NEXMIF: variants seen among roughly 807,000 people sequenced by gnomAD.
The protein encoded by NEXMIF is neurite extension and migration factor, also known as XLMR protein related to neurite extension.
In NEXMIF, 8 loss-of-function variants were observed where a neutral mutation model predicts 62.1. The observed-to-expected ratio is 0.13, with a 90% confidence interval of 0.08 to 0.23. The LOEUF (loss-of-function observed/expected upper bound fraction) is 0.23, where lower values mean the gene tolerates loss of function less well. NEXMIF is among the 10% of genes least tolerant of loss of function. The probability of loss-of-function intolerance (pLI) is 1.00; values close to 1 mark genes in which losing one functional copy is unlikely to be tolerated. For missense variants in NEXMIF, 976 were observed against 1,113.3 expected (o/e 0.88, Z 1.75); for synonymous variants, 404 against 416.6 (o/e 0.97, Z 0.37).
At position 74,744,098 on chromosome X, in the gene NEXMIF, G is replaced by A. The variant is rs2080117700; in HGVS notation, c.459C>T (p.Ser153=). Residue 153 remains serine (S), a synonymous_variant, in exon 3 of 4, where the codon TCC becomes TCT. Coordinates refer to ENST00000055682, the MANE Select transcript of NEXMIF (RefSeq NM_001008537.3). ...SRTCLGCFME[S]KDAVDPEPGI... ...CTGGCTCAGGATCTACTGCATCCTTGGATTCCATGAAGCAGCCTAAGCAAG... is the reference window on the plus strand; with the variant it reads ...CTGGCTCAGGATCTACTGCATCCTTAGATTCCATGAAGCAGCCTAAGCAAG... 2.9e-5 allele frequency: 35 copies of A among 1,211,733 alleles called. No individual in the cohort carries two copies. The highest frequency in any genetic ancestry group is 3.9e-5 in the Non-Finnish European group (35 of 895,484).
At chrX:74,768,033 T>C (rs1042484154) in intron 1 of NEXMIF, among the ~76,000 whole-genome samples, 2 of 111,290 alleles carry the variant, frequency 1.8e-5, no homozygotes, top group African/African-American at 6.5e-5. Context: ...AGCCCGGATA[T>C]CTAAAGCTCC....
intron 1 of NEXMIF, among the ~76,000 whole-genome samples, chrX:74,815,325 AG>A (rs1273915601): frequency 8.9e-6 from 1 of 111,746 alleles, no homozygotes; most frequent in African/African-American, 3.3e-5. Context: ...GTCATCCTTA[AG>A]CTATTCCTTT....
intron 1 of NEXMIF, among the ~76,000 whole-genome samples, chrX:74,758,351 T>C (rs760889751): frequency 2.7e-5 from 3 of 111,607 alleles, no homozygotes; most frequent in Non-Finnish European, 3.8e-5. Flanking sequence ...ATAAGTGATA[T>C]AGACAAATTG....
At chrX:74,905,067 A>G (rs1056553074) in intron 1 of NEXMIF, among the ~76,000 whole-genome samples, 4 of 111,665 alleles carry the variant, frequency 3.6e-5, no homozygotes, top group Non-Finnish European at 7.5e-5. Context: ...TATTTTTATC[A>G]TAAAAATATG....
intron 1 of NEXMIF, among the ~76,000 whole-genome samples, chrX:74,893,027 T>C (rs192982512): frequency 8.9e-6 from 1 of 112,239 alleles, no homozygotes; most frequent in African/African-American, 3.2e-5. Context: ...GGATACTGAC[T>C]TAGGTCTTAA....
rs142185048 is a variant in NEXMIF at position 74,863,661 on chromosome X, G to C, written c.-48+61222C>G. On this transcript the variant is annotated intron_variant, in intron 1 of 3. Transcript: ENST00000055682. ...AAAAGCCCAGGACAAGATGGATTTAGAGCTGAATTCTACCAAAGGTACAAA... is the reference window on the plus strand; with the variant it reads ...AAAAGCCCAGGACAAGATGGATTTACAGCTGAATTCTACCAAAGGTACAAA... Among the ~76,000 whole-genome samples, 290 of 111,823 alleles carry C rather than the reference G, an allele frequency of 2.6e-3. 2 individuals carry two copies. The highest frequency in any genetic ancestry group is 4.7e-3 in the Middle Eastern group (1 of 214).
intron 1 of NEXMIF, among the ~76,000 whole-genome samples, chrX:74,795,333 C>T (rs2080302981): frequency 8.9e-6 from 1 of 112,257 alleles, no homozygotes; most frequent in Admixed American, 9.4e-5. Flanking sequence ...CAATGGAATA[C>T]TATTCAGTGT....
intron 1 of NEXMIF, among the ~76,000 whole-genome samples, chrX:74,889,784 A>C (rs1033954347): frequency 9.0e-6 from 1 of 111,607 alleles, no homozygotes; most frequent in Non-Finnish European, 1.9e-5. Context: ...GTGCACTGAG[A>C]TATACACTGT....
intron 1 of NEXMIF, among the ~76,000 whole-genome samples, chrX:74,824,057 G>A (rs1045452008): frequency 1.8e-5 from 2 of 111,144 alleles, no homozygotes; most frequent in Non-Finnish European, 3.8e-5. Context: ...TACCATTCAA[G>A]TCTCAGGGCA....
At chrX:74,797,904 G>T (rs775554591) in intron 1 of NEXMIF, among the ~76,000 whole-genome samples, 12 of 112,406 alleles carry the variant, frequency 1.1e-4, no homozygotes, top group Non-Finnish European at 1.9e-4. Context: ...ACTGTGCATG[G>T]CATAAGCCTC....
chrX:74,845,286 C>T (rs1448993013), intron 1 of NEXMIF, among the ~76,000 whole-genome samples: 1 of 111,633 alleles, frequency 9.0e-6, no homozygotes, highest in African/African-American at 3.3e-5. Context: ...CACTGTTATA[C>T]TGTGTGTTGT....
At chrX:74,813,814 C>A (rs940874553) in intron 1 of NEXMIF, among the ~76,000 whole-genome samples, 2 of 112,034 alleles carry the variant, frequency 1.8e-5, no homozygotes, top group Non-Finnish European at 3.8e-5. Context: ...AATGAATAAG[C>A]TAAAGCTTTT....
intron 1 of NEXMIF, among the ~76,000 whole-genome samples, chrX:74,873,319 CTCA>C (rs1399913391): frequency 1.8e-5 from 2 of 112,003 alleles, no homozygotes; most frequent in African/African-American, 6.5e-5. Flanking sequence ...AGGACATGAA[CTCA>C]TCATTTTTTA....
chrX:74,743,145 C>A lies in NEXMIF; in HGVS notation c.1412G>T (p.Ser471Ile). Residue 471 changes from serine (S) to isoleucine (I), a missense_variant, in exon 3 of 4, where the codon AGC becomes ATC. By Grantham distance (142) the Ser-to-Ile change is moderately radical. Around this residue, in one of 5 missense-constraint regions of NEXMIF, gnomAD observed 639 missense variants for 694.5 expected, o/e 0.92. Transcript: ENST00000055682. The part of the protein sequence containing the change: ...RYMARDTNSG[S>I]SSSQQNYGLR... ...CCCATAGTTCTGTTGGGAGGAGGAG[C>A]TGCCAGAATTAGTGTCCCGAGCCAT... 8.3e-7 allele frequency: 1 copy of A among 1,211,059 alleles called. No individual in the cohort carries two copies. The highest frequency in any genetic ancestry group is 1.1e-6 in the Non-Finnish European group (1 of 895,350).
intron 1 of NEXMIF, among the ~76,000 whole-genome samples, chrX:74,838,631 T>C (rs1460683161): frequency 8.9e-6 from 1 of 111,977 alleles, no homozygotes; most frequent in Non-Finnish European, 1.9e-5. Flanking sequence ...CTTCAGGCAG[T>C]GTACACAGCT....
chrX:74,823,021 A>C (rs2080402388), intron 1 of NEXMIF, among the ~76,000 whole-genome samples: 4 of 112,338 alleles, frequency 3.6e-5, no homozygotes, highest in African/African-American at 1.3e-4. Flanking sequence ...ATTCCGCTGC[A>C]AAAAGGAACG....
chrX:74,890,347 G>T (rs1377322737), intron 1 of NEXMIF, among the ~76,000 whole-genome samples: 1 of 110,866 alleles, frequency 9.0e-6, no homozygotes, highest in East Asian at 2.8e-4. Flanking sequence ...GAAAAATCAT[G>T]AACTAGAAGA....
chrX:74,817,621 T>C (rs1371979813), intron 1 of NEXMIF, among the ~76,000 whole-genome samples: 2 of 111,829 alleles, frequency 1.8e-5, no homozygotes, highest in Non-Finnish European at 3.8e-5. Flanking sequence ...AAAAACTTTG[T>C]TTCCCTATAG....
At chrX:74,830,889 G>T (rs1405105671) in intron 1 of NEXMIF, among the ~76,000 whole-genome samples, 1 of 110,191 alleles carries the variant, frequency 9.1e-6, no homozygotes. Flanking sequence ...ACTGATTTTT[G>T]TATGTTGATT....
Sources: allele counts gnomAD v4.1 joint callset (sites outside exome capture counted in the v4.1 genomes callset), GRCh38; gene constraint gnomAD v4.1.1; regional missense constraint gnomAD v4.1.1; transcripts MANE v1.5; gene names NCBI Gene and HGNC (gene_info 2026-07-23, HGNC 2026-07-21).